The following EPHA4 variants were observed in gnomAD, a reference collection of about 807,000 sequenced individuals.
The protein encoded by EPHA4 is ephrin type-A receptor 4.
In EPHA4, 19 loss-of-function variants were observed where a neutral mutation model predicts 108.3. That is an observed-to-expected ratio of 0.18 (90% CI 0.12 to 0.26). The LOEUF (loss-of-function observed/expected upper bound fraction) is 0.26. Ranked by LOEUF, EPHA4 falls within the 10% of genes least tolerant of loss-of-function variation. The pLI is 1.00. For missense variants in EPHA4, 917 were observed against 1,254.0 expected, an observed-to-expected ratio of 0.73 and a Z score of 4.06; for synonymous variants, 449 against 455.5, an observed-to-expected ratio of 0.99 and a Z score of 0.18.
intron 11 of EPHA4, among the ~76,000 whole-genome samples, chr2:221,439,856 A>G (rs1160195727): frequency 6.6e-6 from 1 of 152,166 alleles, no homozygotes; most frequent in Non-Finnish European, 1.5e-5. Flanking sequence ...CGGAGAATTT[A>G]TGGTCCTCCT....
intron 3 of EPHA4, among the ~76,000 whole-genome samples, chr2:221,541,892 T>C (rs760434707): frequency 6.6e-6 from 1 of 152,252 alleles, no homozygotes; most frequent in Non-Finnish European, 1.5e-5. Flanking sequence ...CAGCAGCATT[T>C]CTTTCTCTGC....
intron 3 of EPHA4, among the ~76,000 whole-genome samples, chr2:221,527,445 A>G (rs1252094526): frequency 2.6e-5 from 4 of 152,168 alleles, no homozygotes; most frequent in Admixed American, 6.5e-5. Flanking sequence ...AGACCTTCAC[A>G]ATCTCCAGAT....
intron 7 of EPHA4, 130 bp from the exon 8 acceptor site, chr2:221,455,788 G>T (rs1690929098): frequency 2.9e-6 from 2 of 683,088 alleles, no homozygotes; most frequent in Non-Finnish European, 5.1e-6. Flanking sequence ...TTCAGAAAGG[G>T]CAGCAGTTTT....
chr2:221,537,619 A>C (rs1261006198), intron 3 of EPHA4, among the ~76,000 whole-genome samples: 1 of 152,196 alleles, frequency 6.6e-6, no homozygotes, highest in East Asian at 1.9e-4. Flanking sequence ...AAGACCACTC[A>C]TCTCTACAAA....
chr2:221,477,581 GAACAACTGTTCACTATCTTACTGT>G (rs1440323511), intron 5 of EPHA4, among the ~76,000 whole-genome samples: 14 of 152,098 alleles, frequency 9.2e-5, no homozygotes, highest in Non-Finnish European at 1.9e-4. Context: ...CCCCAATTTA[GAACAACTGTTCACTATCTTACTGT>G]TTTCCCCCCG....
At chr2:221,570,321 C>T (rs1397101586) in intron 1 of EPHA4, among the ~76,000 whole-genome samples, 3 of 150,780 alleles carry the variant, frequency 2.0e-5, no homozygotes, top group African/African-American at 7.3e-5. Context: ...TTTCTCCCCC[C>T]CCCCCAAAAA....
At chr2:221,420,733 C>CAAA (rs201830175) in intron 17 of EPHA4, among the ~76,000 whole-genome samples, 181 bp from the exon 18 acceptor site, 74 of 151,538 alleles carry the variant, frequency 4.9e-4, no homozygotes, top group African/African-American at 1.1e-3. Flanking sequence ...ATTATAAGAG[C>CAAA]AAAAAAAACC....
At chr2:221,488,984 C>A (rs1180932071) in intron 4 of EPHA4, among the ~76,000 whole-genome samples, 1 of 152,168 alleles carries the variant, frequency 6.6e-6, no homozygotes, top group Non-Finnish European at 1.5e-5. Context: ...AAAGTAGCCC[C>A]TTTAGGACAA....
At chr2:221,460,485 A>T (rs1691103061) in intron 5 of EPHA4, among the ~76,000 whole-genome samples, 1 of 152,198 alleles carries the variant, frequency 6.6e-6, no homozygotes, top group Admixed American at 6.5e-5. Flanking sequence ...AGAGCATGTT[A>T]TCAGGGCACA....
chr2:221,534,408 G>A (rs541499201), intron 3 of EPHA4, among the ~76,000 whole-genome samples: 9 of 152,222 alleles, frequency 5.9e-5, no homozygotes, highest in South Asian at 2.1e-4. Context: ...ATTGGAATGC[G>A]TTCTCATTAC....
intron 11 of EPHA4, among the ~76,000 whole-genome samples, chr2:221,440,257 A>C (rs2106103023): frequency 6.6e-6 from 1 of 152,340 alleles, no homozygotes; most frequent in Non-Finnish European, 1.5e-5. Flanking sequence ...CGTTTATAAC[A>C]GTTACAGCTG....
intron 15 of EPHA4, 104 bp downstream of exon 15, chr2:221,429,854 T>C: frequency 1.6e-6 from 2 of 1,285,766 alleles, no homozygotes; most frequent in Non-Finnish European, 1.1e-6. Flanking sequence ...CAGAGAGCCA[T>C]GAAGTGGCCT....
intron 3 of EPHA4, among the ~76,000 whole-genome samples, chr2:221,511,234 G>A (rs972698637): frequency 6.6e-6 from 1 of 152,146 alleles, no homozygotes. Flanking sequence ...AACTAAAAAC[G>A]GCCTCAGAAC....
chr2:221,509,858 G>T (rs1291790498), intron 3 of EPHA4, among the ~76,000 whole-genome samples: 2 of 152,222 alleles, frequency 1.3e-5, no homozygotes, highest in Non-Finnish European at 2.9e-5. Flanking sequence ...CAAGGGCAGT[G>T]GGAGACATAA....
chr2:221,559,826 C>T (rs941132379), intron 3 of EPHA4, among the ~76,000 whole-genome samples: 1 of 152,140 alleles, frequency 6.6e-6, no homozygotes, highest in Non-Finnish European at 1.5e-5. Context: ...CTAACTCCTG[C>T]GATACATTCT....
chr2:221,456,324 G>A (rs1690951339), intron 7 of EPHA4, among the ~76,000 whole-genome samples: 1 of 152,050 alleles, frequency 6.6e-6, no homozygotes, highest in East Asian at 1.9e-4. Flanking sequence ...TGTCAGTTTA[G>A]TAATCCCATT....
intron 3 of EPHA4, among the ~76,000 whole-genome samples, chr2:221,516,352 A>ATT (rs10606305): frequency 1.7e-4 from 21 of 123,328 alleles, no homozygotes; most frequent in Admixed American, 3.2e-4. Flanking sequence ...AGATTCAATG[A>ATT]TTTTTTTTTT....
chr2:221,566,812 AAGAAGGAGAAGAAGG>A (rs1255190572), intron 2 of EPHA4, among the ~76,000 whole-genome samples: 2 of 140,784 alleles, frequency 1.4e-5, no homozygotes, highest in Non-Finnish European at 3.0e-5. Context: ...GGAGAAGAAG[AAGAAGGAGAAGAAGG>A]AGAAGGAGAA....
At chr2:221,542,281 G>T (rs1693861145) in intron 3 of EPHA4, among the ~76,000 whole-genome samples, 2 of 152,172 alleles carry the variant, frequency 1.3e-5, no homozygotes, top group African/African-American at 4.8e-5. Context: ...ATTAATAATA[G>T]TCCATGGTGT....
Sources: gnomAD v4.1 joint callset for allele counts (sites outside exome capture counted in the v4.1 genomes callset) on GRCh38, gnomAD v4.1.1 for gene constraint, MANE v1.5 for transcripts, NCBI Gene and HGNC (gene_info 2026-07-23, HGNC 2026-07-21) for gene names.